BANK1: variants seen among roughly 807,000 people sequenced by gnomAD.
BANK1 encodes B cell scaffold protein with ankyrin repeats 1, also known as B-cell scaffold protein with ankyrin repeats.
BANK1 carries 95 observed loss-of-function variants against 94.5 expected under a neutral mutation model. That is an observed-to-expected ratio of 1.00 (90% CI 0.85 to 1.19). BANK1 has a LOEUF of 1.19. Among genes scored for constraint, BANK1 ranks in the 50% most tolerant of loss-of-function variants. The probability of loss-of-function intolerance (pLI) is 0.00; values close to 1 mark genes in which losing one functional copy is unlikely to be tolerated. For missense variants in BANK1, 987 were observed against 932.2 expected, an observed-to-expected ratio of 1.06 and a Z score of -0.77; for synonymous variants, 334 against 308.4, an observed-to-expected ratio of 1.08 and a Z score of -0.87.
At chr4:101,930,866 T>C (rs1723314912) in intron 7 of BANK1, among the ~76,000 whole-genome samples, 7 of 151,534 alleles carry the variant, frequency 4.6e-5, no homozygotes, top group Admixed American at 4.0e-4. Context: ...TCTAACAGTT[T>C]GTCCCACTGC....
At chr4:102,059,862 G>A (rs1728352735) in intron 11 of BANK1, among the ~76,000 whole-genome samples, 1 of 152,048 alleles carries the variant, frequency 6.6e-6, no homozygotes, top group South Asian at 2.1e-4. Flanking sequence ...TTACTGTGTG[G>A]CAGGCACTAT....
chr4:102,064,947 T>C (rs1728542517), intron 13 of BANK1, among the ~76,000 whole-genome samples: 1 of 152,126 alleles, frequency 6.6e-6, no homozygotes, highest in Non-Finnish European at 1.5e-5. Context: ...GGTGGCTGTG[T>C]AGAGAGGTAG....
chr4:101,885,853 C>A lies in BANK1; in HGVS notation c.904-9452C>A, dbSNP rs151017264. ...TAGGCTAGGAGTATAGCCTGCTACACACCTAGGCCTAGTATAGCCTGTTGC... is the reference window on the plus strand; with the variant it reads ...TAGGCTAGGAGTATAGCCTGCTACAAACCTAGGCCTAGTATAGCCTGTTGC... On this transcript the variant is annotated intron_variant, in intron 5 of 16. Transcript: ENST00000322953. Among the ~76,000 whole-genome samples, 314 of 152,362 alleles carry A rather than the reference C, an allele frequency of 2.1e-3. 2 individuals carry two copies. Among genetic ancestry groups the A allele is most frequent in the African/African-American group, 6.7e-3 (278 of 41,584 alleles).
chr4:102,007,066 T>TATATATAAATATATTATATATA (rs1491352771), intron 7 of BANK1, among the ~76,000 whole-genome samples: 1 of 99,160 alleles, frequency 1.0e-5, no homozygotes, highest in African/African-American at 4.1e-5. Context: ...AAATATATAA[T>TATATATAAATATATTATATATA]TTTATATATA....
chr4:101,838,115 C>T (rs1726901468), intron 2 of BANK1, among the ~76,000 whole-genome samples: 1 of 151,924 alleles, frequency 6.6e-6, no homozygotes, highest in South Asian at 2.1e-4. Context: ...GTGTGCTACG[C>T]CCGGCTAATT....
chr4:102,017,455 G>C (rs1444123339), intron 7 of BANK1, among the ~76,000 whole-genome samples: 1 of 152,188 alleles, frequency 6.6e-6, no homozygotes, highest in Non-Finnish European at 1.5e-5. Context: ...TTCAGCACTG[G>C]GACCAGGGGT....
intron 2 of BANK1, among the ~76,000 whole-genome samples, chr4:101,836,703 T>G (rs1194028368): frequency 6.6e-6 from 1 of 152,116 alleles, no homozygotes; most frequent in East Asian, 1.9e-4. Context: ...AATCTAATCA[T>G]GAGGAAATAT....
chr4:101,969,086 A>C (rs1019941652), intron 7 of BANK1, among the ~76,000 whole-genome samples: 5 of 152,076 alleles, frequency 3.3e-5, no homozygotes, highest in African/African-American at 4.8e-5. Context: ...AGTATGCTTT[A>C]GTATGACTTG....
At position 101,828,385 on chromosome 4, in the gene BANK1, A is replaced by T. The variant is rs1255294612; in HGVS notation, c.71-1423A>T. Among the ~76,000 whole-genome samples, 8 of 52,450 alleles carry T rather than the reference A, an allele frequency of 1.5e-4. No homozygotes were observed. In the South Asian group the frequency reaches 1.6e-3, roughly 11 times the overall value. The allele number at this position is 52,450 out of a possible 152,430, so 34.4% of individuals were successfully genotyped here. A position where few individuals can be genotyped will look rare whatever the true frequency, so the allele number is the denominator to read the frequency against. On this transcript the variant is annotated intron_variant, in intron 1 of 16. Coordinates refer to ENST00000322953, the MANE Select transcript of BANK1 (RefSeq NM_017935.5). ...CTAAGATATGTAGATGAGTGAATTT[A>T]TATATATATATATATATATATATAT...
chr4:102,021,597 G>C lies in BANK1; in HGVS notation c.1285+5G>C. On this transcript the variant is annotated splice_donor_5th_base_variant and intron_variant, in intron 8 of 16. Coordinates refer to ENST00000322953, the MANE Select transcript of BANK1 (RefSeq NM_017935.5). Reference sequence around the variant, plus strand: ...CATTTTCCACATATATTCCTTGTAAGTTTTTCCATGTTATATATATATATG... The same window carrying C: ...CATTTTCCACATATATTCCTTGTAACTTTTTCCATGTTATATATATATATG... 1 of 1,223,522 alleles carries C rather than the reference G, an allele frequency of 8.2e-7. No individual in the cohort carries two copies. Among genetic ancestry groups the C allele is most frequent in the African/African-American group, 1.6e-5 (1 of 62,180 alleles). 75.8% of individuals were successfully genotyped at this position (1,223,522 alleles called of 1,614,324 possible).
At chr4:101,821,369 G>A (rs895039616) in intron 1 of BANK1, among the ~76,000 whole-genome samples, 16 of 152,136 alleles carry the variant, frequency 1.1e-4, no homozygotes, top group Non-Finnish European at 1.5e-4. Flanking sequence ...TGTCAGATGC[G>A]TAGTTTGCAA....
intron 13 of BANK1, among the ~76,000 whole-genome samples, chr4:102,068,026 A>T (rs909557616): frequency 2.0e-5 from 3 of 152,138 alleles, no homozygotes; most frequent in Non-Finnish European, 4.4e-5. Context: ...ATTAAGAATT[A>T]TATATCTAGA....
intron 7 of BANK1, among the ~76,000 whole-genome samples, chr4:102,002,586 CACAT>C (rs1338170841): frequency 1.4e-4 from 18 of 128,916 alleles, no homozygotes; most frequent in South Asian, 5.5e-4. Context: ...CACACACACA[CACAT>C]ATATATATAC....
chr4:102,009,986 G>T lies in BANK1; in HGVS notation c.1207-11528G>T, dbSNP rs553121443. ...AGTAAGTTAAAAATTGAAGTCTGTG[G>T]CTGGGTGCCGTGGCTCACGCCTGTA... On this transcript the variant is annotated intron_variant, in intron 7 of 16. Coordinates refer to ENST00000322953, the MANE Select transcript of BANK1 (RefSeq NM_017935.5). Among the ~76,000 whole-genome samples the T allele has an allele frequency of 1.4e-3, 214 of 152,256 alleles. 2 individuals are homozygous for T. The highest frequency in any genetic ancestry group is 4.9e-3 in the African/African-American group (204 of 41,548).
At chr4:101,912,576 A>G (rs1342833674) in intron 6 of BANK1, among the ~76,000 whole-genome samples, 1 of 148,576 alleles carries the variant, frequency 6.7e-6, no homozygotes, top group East Asian at 1.9e-4. Context: ...ATATATATAA[A>G]ATATGTATTG....
chr4:101,843,217 A>G (rs895102151), intron 2 of BANK1, among the ~76,000 whole-genome samples: 8 of 152,104 alleles, frequency 5.3e-5, no homozygotes, highest in African/African-American at 1.9e-4. Flanking sequence ...CTTTGGTCTT[A>G]TTATAGTAAG....
At chr4:101,921,595 A>G (rs1231803931) in intron 7 of BANK1, among the ~76,000 whole-genome samples, 1 of 151,910 alleles carries the variant, frequency 6.6e-6, no homozygotes, top group Non-Finnish European at 1.5e-5. Flanking sequence ...ATCCATTCCC[A>G]TCCGTTTAGA....
At chr4:101,930,521 G>A (rs537509724) in intron 7 of BANK1, among the ~76,000 whole-genome samples, 3 of 151,278 alleles carry the variant, frequency 2.0e-5, no homozygotes, top group Non-Finnish European at 3.0e-5. Flanking sequence ...ATAGCCATTC[G>A]CCAGTGAAAT....
chr4:101,995,988 T>A (rs1254472200), intron 7 of BANK1, among the ~76,000 whole-genome samples: 3 of 152,186 alleles, frequency 2.0e-5, no homozygotes, highest in Admixed American at 1.3e-4. Context: ...TTGTTGCCAT[T>A]GCTTTTGGTG....
Sources: allele counts gnomAD v4.1 joint callset (sites outside exome capture counted in the v4.1 genomes callset), GRCh38; gene constraint gnomAD v4.1.1; transcripts MANE v1.5; gene names NCBI Gene and HGNC (gene_info 2026-07-23, HGNC 2026-07-21).